The following SH3RF3 variants were observed in gnomAD, a reference collection of about 807,000 sequenced individuals.
SH3RF3 encodes E3 ubiquitin-protein ligase SH3RF3.
Under a neutral mutation model 66.3 loss-of-function variants are expected in SH3RF3, and 29 were observed. That is an observed-to-expected ratio of 0.44 (90% confidence interval 0.33 to 0.60). SH3RF3 has a LOEUF of 0.60. SH3RF3 is among the 20% of genes least tolerant of loss of function. The probability of loss-of-function intolerance (pLI) is 0.04; values close to 1 mark genes in which losing one functional copy is unlikely to be tolerated. For missense variants in SH3RF3, 1,194 were observed against 1,190.9 expected (o/e 1.00, Z -0.04); for synonymous variants, 583 against 532.0 (o/e 1.10, Z -1.32).
intron 1 of SH3RF3, among the ~76,000 whole-genome samples, chr2:109,318,935 G>A (rs928622232): frequency 5.3e-5 from 8 of 152,242 alleles, no homozygotes; most frequent in African/African-American, 1.7e-4. Flanking sequence ...TAATGAAACT[G>A]TACTTCATAA....
At chr2:109,376,187 A>G (rs372718362) in intron 3 of SH3RF3, among the ~76,000 whole-genome samples, 33 of 152,334 alleles carry the variant, frequency 2.2e-4, no homozygotes, top group African/African-American at 7.0e-4. Flanking sequence ...ATTCCTGAGC[A>G]CTGAACACAT....
chr2:109,311,943 T>G (rs1681735999), intron 1 of SH3RF3, among the ~76,000 whole-genome samples: 1 of 152,216 alleles, frequency 6.6e-6, no homozygotes. Flanking sequence ...TCACAGATTT[T>G]GGAGCTGATG....
chr2:109,430,832 G>A (rs971422904), intron 5 of SH3RF3, among the ~76,000 whole-genome samples: 1 of 152,122 alleles, frequency 6.6e-6, no homozygotes, highest in Non-Finnish European at 1.5e-5. Context: ...CACTGTCAGT[G>A]TTCACCATTT....
In SH3RF3 at chr2:109,399,579, C is replaced by T. The variant is rs2104443256; in HGVS notation, c.1299+636C>T. Among the ~76,000 whole-genome samples, 2 of 152,184 alleles carry T rather than the reference C, an allele frequency of 1.3e-5. 1 individual carries two copies. Among genetic ancestry groups the T allele is most frequent in the Middle Eastern group, 6.8e-3 (2 of 294 alleles). ...TTGCTTGAGGCCAAGAGTTCAAGAT[C>T]AGCTTGGGCAAGACCCTGTCTCTAC... On this transcript the variant is annotated intron_variant, in intron 4 of 9. Coordinates refer to ENST00000309415, the MANE Select transcript of SH3RF3 (RefSeq NM_001099289.3).
chr2:109,335,251 G>A (rs537598606), intron 1 of SH3RF3, among the ~76,000 whole-genome samples: 51 of 152,322 alleles, frequency 3.3e-4, no homozygotes, highest in African/African-American at 1.1e-3. Context: ...AAGGCCCCTC[G>A]CCCGTCCCAC....
At chr2:109,200,298 A>G (rs1190723888) in intron 1 of SH3RF3, among the ~76,000 whole-genome samples, 6 of 152,174 alleles carry the variant, frequency 3.9e-5, no homozygotes, top group African/African-American at 1.4e-4. Flanking sequence ...CTGTTTGCTC[A>G]GAGGCCTTCC....
intron 1 of SH3RF3, among the ~76,000 whole-genome samples, chr2:109,204,370 T>C (rs1678757234): frequency 6.6e-6 from 1 of 152,238 alleles, no homozygotes; most frequent in African/African-American, 2.4e-5. Flanking sequence ...CCTTATCTTA[T>C]CTTTTAAATC....
rs570770961 is a variant in SH3RF3 at position 109,280,403 on chromosome 2, G to T, written c.574-67271G>T. On this transcript the variant is annotated intron_variant, in intron 1 of 9. Transcript: ENST00000309415. The stretch of plus-strand genomic sequence containing the variant: ...AGCATCCCACCTGAGTGCGCTCTTG[G>T]CTAGGCAGGGTGATGGGGCCCCAGT... Among the ~76,000 whole-genome samples, 4 of 152,254 alleles carry T rather than the reference G, an allele frequency of 2.6e-5. No homozygotes were observed. The East Asian group carries it at 7.8e-4, about 30-fold the overall frequency.
intron 1 of SH3RF3, among the ~76,000 whole-genome samples, chr2:109,233,023 G>A (rs1019198503): frequency 1.3e-5 from 2 of 152,158 alleles, no homozygotes; most frequent in Non-Finnish European, 2.9e-5. Flanking sequence ...CCCCTTGCAG[G>A]ATGGGAAGCA....
chr2:109,246,210 C>T (rs370491882), intron 1 of SH3RF3, among the ~76,000 whole-genome samples: 6 of 152,330 alleles, frequency 3.9e-5, no homozygotes, highest in East Asian at 3.9e-4. Context: ...ATACCGTAAA[C>T]GCAGTGGTTT....
intron 6 of SH3RF3, among the ~76,000 whole-genome samples, chr2:109,436,331 GTGAGCTGATGT>G (rs1404386222): frequency 6.6e-6 from 1 of 152,202 alleles, no homozygotes; most frequent in Non-Finnish European, 1.5e-5. Context: ...TTCCTCTTGT[GTGAGCTGATGT>G]CATCTGGAAA....
At chr2:109,237,053 C>A (rs1048607428) in intron 1 of SH3RF3, among the ~76,000 whole-genome samples, 2 of 152,172 alleles carry the variant, frequency 1.3e-5, no homozygotes, top group African/African-American at 4.8e-5. Flanking sequence ...GCAGTGACAT[C>A]ATCTCACTGC....
chr2:109,397,290 C>G (rs1289431643), intron 3 of SH3RF3, among the ~76,000 whole-genome samples: 1 of 148,218 alleles, frequency 6.7e-6, no homozygotes, highest in African/African-American at 2.7e-5. Context: ...GGCATTTACT[C>G]AGTTTTTTTC....
intron 1 of SH3RF3, among the ~76,000 whole-genome samples, chr2:109,324,652 C>G (rs1038058841): frequency 1.3e-5 from 2 of 152,188 alleles, no homozygotes; most frequent in African/African-American, 4.8e-5. Context: ...CGAAGTTGAT[C>G]CTTTCTCCTG....
chr2:109,254,179 T>G (rs1393742585), intron 1 of SH3RF3, among the ~76,000 whole-genome samples: 1 of 152,170 alleles, frequency 6.6e-6, no homozygotes, highest in Non-Finnish European at 1.5e-5. Context: ...ATCACATTTT[T>G]CTTCTGTTAG....
At chr2:109,209,825 TA>T (rs1227404682) in intron 1 of SH3RF3, among the ~76,000 whole-genome samples, 2 of 152,322 alleles carry the variant, frequency 1.3e-5, no homozygotes, top group African/African-American at 4.8e-5. Context: ...CAAGATTTAT[TA>T]TTGTGACAAA....
chr2:109,178,181 T>A (rs1319808078), intron 1 of SH3RF3, among the ~76,000 whole-genome samples: 1 of 152,200 alleles, frequency 6.6e-6, no homozygotes, highest in African/African-American at 2.4e-5. Flanking sequence ...GAGGCACCAA[T>A]GTACCAAACA....
Position 109,398,747 on chromosome 2 carries a change from G to A in SH3RF3, c.1103G>A (p.Arg368Gln), listed in dbSNP as rs759723090. The stretch of plus-strand genomic sequence containing the variant: ...TCAGGGGCGGTCAGTGCCTTTCAGC[G>A]GCGTGTGGATGGCAAGAAGAACACC... ...SSSGAVSAFQ[R>Q]RVDGKKNTKK... Residue 368 changes from arginine to glutamine, a missense_variant, in exon 4 of 10, where the codon CGG becomes CAG. Arg to Gln is a conservative substitution (Grantham distance 43, BLOSUM62 1). Transcript: ENST00000309415. 1.7e-5 allele frequency: 27 copies of A among 1,613,438 alleles called. No homozygotes were observed. Among genetic ancestry groups the A allele is most frequent in the Admixed American group, 1.0e-4 (6 of 59,938 alleles).
chr2:109,152,261 C>T (rs1425145695), intron 1 of SH3RF3, among the ~76,000 whole-genome samples: 5 of 152,326 alleles, frequency 3.3e-5, no homozygotes, highest in South Asian at 4.1e-4. Context: ...CCTATAATCA[C>T]GGGAGGTGGG....
Sources: gnomAD v4.1 joint callset for allele counts (sites outside exome capture counted in the v4.1 genomes callset) on GRCh38, gnomAD v4.1.1 for gene constraint, MANE v1.5 for transcripts, NCBI Gene and HGNC (gene_info 2026-07-23, HGNC 2026-07-21) for gene names.